FYB1: variants seen among roughly 807,000 people sequenced by gnomAD.
FYB1 encodes the protein FYN binding protein 1.
In FYB1, 41 loss-of-function variants were observed where a neutral mutation model predicts 94.1. The observed-to-expected ratio is 0.44, with a 90% CI of 0.34 to 0.57. FYB1 has a LOEUF of 0.57. Ranked by LOEUF, FYB1 falls within the 20% of genes least tolerant of loss-of-function variation. FYB1 has a pLI of 0.02. For synonymous variants in FYB1, 367 were observed against 353.2 expected (o/e 1.04, Z -0.44); for missense variants, 1,050 against 976.8 (o/e 1.07, Z -1.00).
At chr5:39,208,280 T>A (rs1417937463) in intron 1 of FYB1, among the ~76,000 whole-genome samples, 1 of 152,184 alleles carries the variant, frequency 6.6e-6, no homozygotes, top group Admixed American at 6.5e-5. Flanking sequence ...GGAGAATGAA[T>A]CTCTGCTGTG....
At chr5:39,208,791 A>G (rs528208662) in intron 1 of FYB1, 1 of 152,302 alleles carries the variant, frequency 6.6e-6, no homozygotes, top group African/African-American at 2.4e-5. Flanking sequence ...CCTGCTCTAC[A>G]AAGGCCTGAC....
At chr5:39,181,687 C>T (rs1746251251) in intron 2 of FYB1, among the ~76,000 whole-genome samples, 1 of 152,102 alleles carries the variant, frequency 6.6e-6, no homozygotes, top group Non-Finnish European at 1.5e-5. Context: ...AACCTGTGAC[C>T]CTGTAATTGT....
intron 2 of FYB1, chr5:39,169,221 G>A: frequency 2.8e-6 from 3 of 1,077,950 alleles, no homozygotes; most frequent in Non-Finnish European, 4.3e-6. Flanking sequence ...TTTGCCATAT[G>A]GTTGGTCGTG....
intron 3 of FYB1, among the ~76,000 whole-genome samples, chr5:39,146,107 G>A (rs558147428): frequency 2.0e-5 from 3 of 151,892 alleles, no homozygotes; most frequent in East Asian, 3.9e-4. Context: ...TAGAGACAGG[G>A]TTTCACCATG....
At chr5:39,160,956 C>T (rs1016699863) in intron 2 of FYB1, among the ~76,000 whole-genome samples, 1 of 152,228 alleles carries the variant, frequency 6.6e-6, no homozygotes, top group Non-Finnish European at 1.5e-5. Flanking sequence ...TGCCACACAT[C>T]TGACCATTCT....
chr5:39,207,977 A>G (rs576890747), intron 1 of FYB1, among the ~76,000 whole-genome samples: 2 of 152,278 alleles, frequency 1.3e-5, no homozygotes, highest in Admixed American at 6.5e-5. Context: ...AGCTAATTCT[A>G]TTGCTCTTGA....
chr5:39,246,972 T>A (rs1751502099), intron 1 of FYB1, among the ~76,000 whole-genome samples: 1 of 151,254 alleles, frequency 6.6e-6, no homozygotes, highest in Non-Finnish European at 1.5e-5. Flanking sequence ...TTATGTCATC[T>A]GAAAATGGGA....
At position 39,202,456 on chromosome 5, in the gene FYB1, C is replaced by G. The variant is rs944358267; in HGVS notation, c.505G>C (p.Ala169Pro). 2 of 1,613,772 alleles carry G rather than the reference C, an allele frequency of 1.2e-6. No individual in the cohort carries two copies. Among genetic ancestry groups the G allele is most frequent in the African/African-American group, 1.3e-5 (1 of 74,882 alleles). Residue 169 changes from alanine (A) to proline (P), a missense_variant, in exon 2 of 19, where the codon GCG becomes CCG. Coordinates refer to ENST00000512982, the MANE Select transcript of FYB1 (RefSeq NM_001465.6). Reference protein sequence around the residue: ...PPTSENEQKQAFPKLTGVKGK... With the variant: ...PPTSENEQKQPFPKLTGVKGK... ...TTAACCCCAGTCAATTTGGGAAACGCTTGCTTCTGTTCATTTTCTGAGGTT... is the reference window on the plus strand; with the variant it reads ...TTAACCCCAGTCAATTTGGGAAACGGTTGCTTCTGTTCATTTTCTGAGGTT...
At chr5:39,251,887 G>T (rs1751726408) in intron 1 of FYB1, among the ~76,000 whole-genome samples, 1 of 152,288 alleles carries the variant, frequency 6.6e-6, no homozygotes, top group South Asian at 2.1e-4. Flanking sequence ...GCTCACACCT[G>T]TAATCCCAGC....
intron 3 of FYB1, among the ~76,000 whole-genome samples, chr5:39,146,166 C>T (rs1302746358): frequency 6.6e-6 from 1 of 152,070 alleles, no homozygotes; most frequent in African/African-American, 2.4e-5. Context: ...TCACCTGCCT[C>T]AGCCTCCCAA....
At chr5:39,210,359 G>C (rs1427360870) in intron 1 of FYB1, among the ~76,000 whole-genome samples, 1 of 152,196 alleles carries the variant, frequency 6.6e-6, no homozygotes, top group African/African-American at 2.4e-5. Context: ...TTATCTCCTG[G>C]TCTGGTGTTA....
intron 2 of FYB1, among the ~76,000 whole-genome samples, chr5:39,188,377 A>G (rs751177200): frequency 5.3e-5 from 8 of 152,112 alleles, no homozygotes; most frequent in Non-Finnish European, 1.0e-4. Context: ...ACTAACTGCT[A>G]GTATCTTGGT....
At chr5:39,189,235 C>CTTT (rs199894461) in intron 2 of FYB1, among the ~76,000 whole-genome samples, 5,428 of 136,886 alleles carry the variant, frequency 0.04, 203 homozygotes, top group East Asian at 0.16. Context: ...TATGGAATTC[C>CTTT]TTTTTTTTTT....
chr5:39,182,409 A>G (rs1212057563), intron 2 of FYB1, among the ~76,000 whole-genome samples: 1 of 151,940 alleles, frequency 6.6e-6, no homozygotes, highest in Non-Finnish European at 1.5e-5. Context: ...AAGCTCCCAG[A>G]GGTACTGTGC....
At chr5:39,231,036 A>G (rs1750709973) in intron 1 of FYB1, among the ~76,000 whole-genome samples, 1 of 151,376 alleles carries the variant, frequency 6.6e-6, no homozygotes. Flanking sequence ...ATTAATATTG[A>G]TTAGAACAAG....
intron 1 of FYB1, among the ~76,000 whole-genome samples, chr5:39,230,464 A>G (rs1750671273): frequency 6.6e-6 from 1 of 152,134 alleles, no homozygotes. Flanking sequence ...GACCTCCAGA[A>G]CTATAAGACA....
intron 1 of FYB1, among the ~76,000 whole-genome samples, chr5:39,265,827 G>A (rs1453932033): frequency 6.6e-6 from 1 of 152,196 alleles, no homozygotes; most frequent in East Asian, 1.9e-4. Context: ...GACTAGCAGA[G>A]TGCAGACTTG....
chr5:39,183,919 A>G (rs2150433861), intron 2 of FYB1, among the ~76,000 whole-genome samples: 1 of 152,328 alleles, frequency 6.6e-6, no homozygotes, highest in East Asian at 1.9e-4. Flanking sequence ...ATTCTGGTAT[A>G]GATGATCCAC....
chr5:39,256,747 T>G (rs992165886), intron 1 of FYB1, among the ~76,000 whole-genome samples: 14 of 152,352 alleles, frequency 9.2e-5, no homozygotes, highest in African/African-American at 3.4e-4. Flanking sequence ...TGTATTGTGT[T>G]GGGTGGCTAT....
Sources: allele counts gnomAD v4.1 joint callset (sites outside exome capture counted in the v4.1 genomes callset), GRCh38; gene constraint gnomAD v4.1.1; transcripts MANE v1.5; gene names NCBI Gene and HGNC (gene_info 2026-07-23, HGNC 2026-07-21).